BICC1: variants seen among roughly 807,000 people sequenced by gnomAD.
BICC1 encodes BicC family RNA binding protein 1, also known as protein bicaudal C homolog 1.
A neutral mutation model predicts 111.0 loss-of-function variants in BICC1; 43 were observed. That is an observed-to-expected ratio of 0.39 (90% CI 0.30 to 0.50). BICC1 has a LOEUF of 0.50. Among genes scored for constraint, BICC1 ranks in the 20% least tolerant of loss-of-function variants. The pLI is 0.88. For missense variants in BICC1, 1,091 were observed against 1,203.2 expected (o/e 0.91, Z 1.38); for synonymous variants, 467 against 434.4 (o/e 1.07, Z -0.93).
intron 1 of BICC1, among the ~76,000 whole-genome samples, chr10:58,598,620 C>A (rs1017906403): frequency 6.6e-6 from 1 of 152,092 alleles, no homozygotes; most frequent in African/African-American, 2.4e-5. Context: ...GACTAAAACA[C>A]CAAAAGCGAT....
chr10:58,645,571 C>G (rs965209517), intron 2 of BICC1, among the ~76,000 whole-genome samples: 1 of 152,182 alleles, frequency 6.6e-6, no homozygotes, highest in African/African-American at 2.4e-5. Flanking sequence ...TCCCAAGCAT[C>G]TAACCTGGCT....
At chr10:58,774,958 G>A (rs1418359418) in intron 3 of BICC1, among the ~76,000 whole-genome samples, 1 of 152,100 alleles carries the variant, frequency 6.6e-6, no homozygotes, top group Non-Finnish European at 1.5e-5. Context: ...CATCTTTCTT[G>A]TTAGAAAGGA....
chr10:58,823,746 A>T, intron 20 of BICC1: 2 of 985,256 alleles, frequency 2.0e-6, no homozygotes, highest in Non-Finnish European at 2.4e-6. Context: ...GAGAAAATGG[A>T]GGCCGAAGAT....
At chr10:58,604,583 C>T (rs1400777470) in intron 1 of BICC1, among the ~76,000 whole-genome samples, 2 of 152,124 alleles carry the variant, frequency 1.3e-5, no homozygotes, top group African/African-American at 2.4e-5. Flanking sequence ...ATGGCGTGAA[C>T]CCGGGAGGCA....
At chr10:58,611,480 CT>C (rs1198647396) in intron 1 of BICC1, among the ~76,000 whole-genome samples, 229 of 142,192 alleles carry the variant, frequency 1.6e-3, no homozygotes, top group Middle Eastern at 0.011. Flanking sequence ...TTTGTTTCTT[CT>C]TTTTTTTTTT....
chr10:58,707,750 T>C (rs1840431949), intron 3 of BICC1, among the ~76,000 whole-genome samples: 1 of 151,804 alleles, frequency 6.6e-6, no homozygotes, highest in South Asian at 2.1e-4. Context: ...CAGGCTGGAG[T>C]GCAATGGCGC....
At chr10:58,516,375 A>G (rs1324937780) in intron 1 of BICC1, among the ~76,000 whole-genome samples, 3 of 152,210 alleles carry the variant, frequency 2.0e-5, no homozygotes, top group Non-Finnish European at 4.4e-5. Context: ...TATATGGGCA[A>G]TAGGGTAGTA....
At chr10:58,758,421 A>AC (rs1188603062) in intron 3 of BICC1, among the ~76,000 whole-genome samples, 1 of 152,220 alleles carries the variant, frequency 6.6e-6, no homozygotes, top group Non-Finnish European at 1.5e-5. Context: ...GTATCCTAGA[A>AC]CAGGCTATTA....
In BICC1 at chr10:58,828,833, G is replaced by A. The variant is rs996255233; in HGVS notation, c.2867G>A (p.Ser956Asn). The A allele has an allele frequency of 1.9e-6, 3 of 1,614,018 alleles. No homozygotes were observed. Among genetic ancestry groups the A allele is most frequent in the Admixed American group, 3.3e-5 (2 of 60,004 alleles). ...ARTSFLEGGA[S>N]GRLPRQYHSD... Reference sequence around the variant, plus strand: ...ACCTCTTTCCTGGAAGGTGGAGCGAGTGGAAGGCTACCCCGTCAGTATCAC... The same window carrying A: ...ACCTCTTTCCTGGAAGGTGGAGCGAATGGAAGGCTACCCCGTCAGTATCAC... The change falls in exon 21 of 21, where the codon AGT becomes AAT. Residue 956 changes from serine (S) to asparagine (N), a missense_variant. By Grantham distance (46) the Ser-to-Asn change is conservative (BLOSUM62 1). Coordinates refer to ENST00000373886, the MANE Select transcript of BICC1 (RefSeq NM_001080512.3).
At chr10:58,550,336 C>T (rs911173412) in intron 1 of BICC1, among the ~76,000 whole-genome samples, 1 of 152,168 alleles carries the variant, frequency 6.6e-6, no homozygotes, top group African/African-American at 2.4e-5. Flanking sequence ...ATTTTATATA[C>T]AACTTCTTTA....
intron 3 of BICC1, among the ~76,000 whole-genome samples, chr10:58,753,307 C>T (rs1262609920): frequency 1.3e-5 from 2 of 151,954 alleles, no homozygotes; most frequent in Non-Finnish European, 2.9e-5. Context: ...CAATTGGGAC[C>T]CCAGGCACAC....
At chr10:58,719,265 T>G (rs1840860514) in intron 3 of BICC1, among the ~76,000 whole-genome samples, 1 of 152,212 alleles carries the variant, frequency 6.6e-6, no homozygotes. Flanking sequence ...ATAAAGTTTT[T>G]CCAGCAACAT....
At chr10:58,578,126 T>C (rs566398827) in intron 1 of BICC1, among the ~76,000 whole-genome samples, 1 of 152,236 alleles carries the variant, frequency 6.6e-6, no homozygotes, top group African/African-American at 2.4e-5. Flanking sequence ...TGGGTGGGGG[T>C]AAAGACAATT....
Position 58,789,742 on chromosome 10 carries a change from A to C in BICC1, c.856A>C (p.Ser286Arg), listed in dbSNP as rs768764824. The change falls in exon 8 of 21, where the codon AGC becomes CGC. Residue 286 changes from serine (S) to arginine (R), a missense_variant. Transcript: ENST00000373886. ...AGSLASAIPV[S>R]TQLDIAAQHH... is the part of the protein sequence containing the mutation. Reference sequence around the variant, plus strand: ...GAGCTTAGCATCAGCTATTCCTGTGAGCACACAACTAGATATTGCAGCTCA... The same window carrying C: ...GAGCTTAGCATCAGCTATTCCTGTGCGCACACAACTAGATATTGCAGCTCA... 3 of 1,614,026 alleles carry C rather than the reference A, an allele frequency of 1.9e-6. No homozygotes were observed. Among genetic ancestry groups the C allele is most frequent in the Non-Finnish European group, 2.5e-6 (3 of 1,180,016 alleles).
intron 14 of BICC1, 67 bp from the exon 15 acceptor site, chr10:58,803,010 A>G (rs1843596328): frequency 2.2e-6 from 3 of 1,388,788 alleles, no homozygotes; most frequent in Non-Finnish European, 1.9e-6. Flanking sequence ...TAAATGTGGC[A>G]TGTAGGAAAC....
intron 4 of BICC1, among the ~76,000 whole-genome samples, chr10:58,785,825 G>T (rs1309929885): frequency 6.6e-6 from 1 of 152,130 alleles, no homozygotes; most frequent in Non-Finnish European, 1.5e-5. Flanking sequence ...TCAAATCCAG[G>T]CTGTCTCATT....
In BICC1 at chr10:58,598,689, G is replaced by A. The variant is rs533812443; in HGVS notation, c.191-22166G>A. On this transcript the variant is annotated intron_variant, in intron 1 of 20. Coordinates refer to ENST00000373886, the MANE Select transcript of BICC1 (RefSeq NM_001080512.3). Reference sequence around the variant, plus strand: ...AATTAAATTAAAGAGCTTCTGCACAGCAAAAGAAACTATCATCAGAGTGAA... The same window carrying A: ...AATTAAATTAAAGAGCTTCTGCACAACAAAAGAAACTATCATCAGAGTGAA... 2.1e-3 allele frequency among the ~76,000 whole-genome samples: 324 copies of A among 152,280 alleles called. 1 individual carries two copies. Among genetic ancestry groups the A allele is most frequent in the African/African-American group, 7.5e-3 (313 of 41,572 alleles).
intron 1 of BICC1, among the ~76,000 whole-genome samples, chr10:58,603,666 C>T (rs1845115312): frequency 6.6e-6 from 1 of 152,068 alleles, no homozygotes. Flanking sequence ...GATTAATTAT[C>T]CATTTGGTAG....
chr10:58,541,659 C>G (rs1199611364), intron 1 of BICC1, among the ~76,000 whole-genome samples: 1 of 151,658 alleles, frequency 6.6e-6, no homozygotes, highest in African/African-American at 2.4e-5. Context: ...CAATATAAGC[C>G]CTATTGAAAT....
Sources: gnomAD v4.1 joint callset for allele counts (sites outside exome capture counted in the v4.1 genomes callset) on GRCh38, gnomAD v4.1.1 for gene constraint, MANE v1.5 for transcripts, NCBI Gene and HGNC (gene_info 2026-07-23, HGNC 2026-07-21) for gene names.